The following LRRD1 variants were observed in gnomAD, a reference collection of about 807,000 sequenced individuals.
The protein encoded by LRRD1 is leucine rich repeats and death domain containing 1.
LRRD1 carries 49 observed loss-of-function variants against 69.5 expected under a neutral mutation model. That is an observed-to-expected ratio of 0.70 (90% CI 0.56 to 0.89). The LOEUF (loss-of-function observed/expected upper bound fraction) is 0.89. Ranked by LOEUF, LRRD1 falls within the 40% of genes least tolerant of loss-of-function variation. LRRD1 has a pLI of 0.00. For missense variants in LRRD1, 853 were observed against 956.0 expected (o/e 0.89, Z 1.42); for synonymous variants, 303 against 338.9 (o/e 0.89, Z 1.16).
intron 1 of LRRD1, among the ~76,000 whole-genome samples, chr7:92,173,566 G>A (rs772293170): frequency 7.2e-5 from 11 of 151,982 alleles, no homozygotes; most frequent in Non-Finnish European, 1.0e-4. Flanking sequence ...ATGGCCAAGA[G>A]GTATATTAAA....
downstream of LRRD1, among the ~76,000 whole-genome samples, chr7:92,143,736 C>A (rs941204039): frequency 2.6e-5 from 4 of 152,214 alleles, no homozygotes; most frequent in Non-Finnish European, 5.9e-5. Context: ...CTGAGGGAGC[C>A]GGTTCCGGCC....
chr7:92,174,061 G>A (rs73407569), intron 1 of LRRD1, among the ~76,000 whole-genome samples: 5,203 of 152,182 alleles, frequency 0.034, 262 homozygotes, highest in African/African-American at 0.11. Flanking sequence ...TTTGTTGAGT[G>A]AAATAAGCCA....
chr7:92,159,075 G>C lies in LRRD1; in HGVS notation c.2046C>G (p.Tyr682Ter), dbSNP rs761905516. ...ELRNLVSLHA[Y>*]NNQISYLPPS... is the part of the protein sequence containing the mutation. ...GTGGAAGATAACTTATTTGATTATTGTATGCATGTAAACTAACCAAATTTC... is the reference window on the plus strand; with the variant it reads ...GTGGAAGATAACTTATTTGATTATTCTATGCATGTAAACTAACCAAATTTC... Residue 682 changes from tyrosine to a stop codon, truncating the protein, a stop_gained, in exon 3 of 6, where the codon TAC becomes TAG. Transcript: ENST00000458448. LOFTEE classifies it high-confidence loss of function. 25 of 1,547,050 alleles carry C rather than the reference G, an allele frequency of 1.6e-5. 1 individual carries two copies. The East Asian group carries it at 4.4e-4, about 27-fold the overall frequency.
downstream of LRRD1, chr7:92,142,425 G>A (rs1317219974): frequency 2.2e-6 from 1 of 456,576 alleles, no homozygotes; most frequent in Admixed American, 2.3e-5. Flanking sequence ...ACTACACACT[G>A]TGCATGATAT....
Position 92,163,754 on chromosome 7 carries a change from C to T in LRRD1, c.1449G>A (p.Leu483=), listed in dbSNP as rs1288237870. 1 of 1,511,216 alleles carries T rather than the reference C, an allele frequency of 6.6e-7. No individual in the cohort carries two copies. The highest frequency in any genetic ancestry group is 1.3e-5 in the South Asian group (1 of 77,458). 93.6% of individuals were successfully genotyped at this position (1,511,216 alleles called of 1,614,324 possible). A position where few individuals can be genotyped will look rare whatever the true frequency, so the allele number is the denominator to read the frequency against. ...YNKIMYFPLG[L]CALDSLYYLS... ...AATAATAAAGAGAATCTAAAGCACA[C>T]AGTCCCAATGGAAAATACATTATTT... Residue 483 remains leucine, a synonymous_variant, in exon 2 of 6, where the codon CTG becomes CTA. Transcript: ENST00000458448.
At chr7:92,158,439 A>G (rs555529735) in intron 3 of LRRD1, among the ~76,000 whole-genome samples, 5 of 151,844 alleles carry the variant, frequency 3.3e-5, no homozygotes, top group African/African-American at 7.3e-5. Context: ...ATATATGTGC[A>G]TATATATGTG....
intron 3 of LRRD1, among the ~76,000 whole-genome samples, chr7:92,152,902 T>G (rs957761448): frequency 8.5e-5 from 13 of 152,196 alleles, no homozygotes; most frequent in Non-Finnish European, 1.6e-4. Context: ...ACTCCTGACC[T>G]CGTGATCTGC....
chr7:92,167,826 G>C (rs1431303495), intron 1 of LRRD1, among the ~76,000 whole-genome samples: 1 of 122,862 alleles, frequency 8.1e-6, no homozygotes, highest in East Asian at 2.5e-4. Context: ...GCAGTGAACC[G>C]AGATGGCGCC....
intron 3 of LRRD1, among the ~76,000 whole-genome samples, chr7:92,157,630 C>T (rs1788693532): frequency 6.6e-6 from 1 of 151,840 alleles, no homozygotes; most frequent in South Asian, 2.1e-4. Flanking sequence ...AGTGCAGTGG[C>T]ACAATCTCAG....
chr7:92,169,341 A>T (rs901017891), intron 1 of LRRD1, among the ~76,000 whole-genome samples: 4 of 152,316 alleles, frequency 2.6e-5, no homozygotes, highest in African/African-American at 9.6e-5. Flanking sequence ...GGATAATTTA[A>T]AAAATCAAAC....
chr7:92,155,396 ATTGT>A (rs1788632947), intron 3 of LRRD1, among the ~76,000 whole-genome samples: 2 of 152,160 alleles, frequency 1.3e-5, no homozygotes, highest in Non-Finnish European at 2.9e-5. Flanking sequence ...AAATTTATGA[ATTGT>A]TTATTTCTGG....
chr7:92,178,954 A>C (rs1350917246), intron 1 of LRRD1, 53 bp downstream of exon 1: 2 of 152,244 alleles, frequency 1.3e-5, no homozygotes, highest in Non-Finnish European at 2.9e-5. Flanking sequence ...AATGAGAGAG[A>C]ATCTGGGCGT....
chr7:92,165,829 C>T (rs962847888), intron 1 of LRRD1, among the ~76,000 whole-genome samples: 2 of 143,438 alleles, frequency 1.4e-5, no homozygotes, highest in Admixed American at 1.4e-4. Flanking sequence ...CCATTGCACT[C>T]CAGCCTGGGC....
At chr7:92,159,557 GA>G (rs1788753680) in intron 2 of LRRD1, among the ~76,000 whole-genome samples, 1 of 95,722 alleles carries the variant, frequency 1.0e-5, no homozygotes. Context: ...CCCCCTCCCA[GA>G]AGTCTTTTCC....
intron 3 of LRRD1, among the ~76,000 whole-genome samples, chr7:92,158,097 C>T (rs761654955): frequency 6.6e-6 from 1 of 152,112 alleles, no homozygotes; most frequent in Non-Finnish European, 1.5e-5. Flanking sequence ...TCCTGTTACC[C>T]CCTTGTGTAG....
At chr7:92,163,094 G>A (rs899329977) in intron 2 of LRRD1, among the ~76,000 whole-genome samples, 192 bp downstream of exon 2, 1 of 152,118 alleles carries the variant, frequency 6.6e-6, no homozygotes, top group Non-Finnish European at 1.5e-5. Context: ...GTATTTTCCT[G>A]TACAGCTTTT....
intron 1 of LRRD1, among the ~76,000 whole-genome samples, chr7:92,167,099 C>CTTT (rs770765785): frequency 1.4e-5 from 2 of 139,448 alleles, no homozygotes; most frequent in African/African-American, 5.2e-5. Flanking sequence ...AATTTTCTTT[C>CTTT]TTTTTTTTTT....
At chr7:92,156,961 G>A (rs1402391999) in intron 3 of LRRD1, among the ~76,000 whole-genome samples, 1 of 150,336 alleles carries the variant, frequency 6.7e-6, no homozygotes, top group Non-Finnish European at 1.5e-5. Context: ...AGCTTGCTGA[G>A]AGTTTTTTTG....
intron 1 of LRRD1, among the ~76,000 whole-genome samples, chr7:92,174,849 G>T (rs558073328): frequency 2.0e-5 from 3 of 151,978 alleles, no homozygotes; most frequent in African/African-American, 7.2e-5. Context: ...ATCACCTGAG[G>T]TCAGGAGTTC....
Sources: allele counts gnomAD v4.1 joint callset (sites outside exome capture counted in the v4.1 genomes callset), GRCh38; gene constraint gnomAD v4.1.1; transcripts MANE v1.5; gene names NCBI Gene and HGNC (gene_info 2026-07-23, HGNC 2026-07-21).